PCYT1A: variants seen among roughly 807,000 people sequenced by gnomAD.
PCYT1A encodes phosphate cytidylyltransferase 1A, choline.
In PCYT1A, 25 loss-of-function variants were observed where a neutral mutation model predicts 43.7. The observed-to-expected ratio is 0.57, with a 90% CI of 0.42 to 0.80. The LOEUF (loss-of-function observed/expected upper bound fraction) is 0.80, where lower values mean the gene tolerates loss of function less well. PCYT1A is among the 30% of genes least tolerant of loss of function. The pLI is 0.00. For synonymous variants in PCYT1A, 172 were observed against 170.7 expected, an observed-to-expected ratio of 1.01 and a Z score of -0.06; for missense variants, 421 against 474.2, an observed-to-expected ratio of 0.89 and a Z score of 1.04.
At position 196,238,073 on chromosome 3, in the gene PCYT1A, G is replaced by A. The variant is rs1292713370; in HGVS notation, c.*615C>T. 6.6e-6 allele frequency: 1 copy of A among 152,246 alleles called. No individual in the cohort carries two copies. Among genetic ancestry groups the A allele is most frequent in the Non-Finnish European group, 1.5e-5 (1 of 68,050 alleles). 9.4% of individuals were successfully genotyped at this position (152,246 alleles called of 1,614,324 possible). A position where few individuals can be genotyped will look rare whatever the true frequency, so the allele number is the denominator to read the frequency against. ...ACTCCTCAGGGAGTAAGAAAAGTTA[G>A]GTTCAGATCTCCTTCCCGCAGCCAC... On this transcript the variant is annotated 3_prime_UTR_variant, in exon 9 of 9. Coordinates refer to ENST00000431016, the MANE Select transcript of PCYT1A (RefSeq NM_001312673.2).
At chr3:196,276,434 T>C (rs907826199) in intron 1 of PCYT1A, among the ~76,000 whole-genome samples, 1 of 151,690 alleles carries the variant, frequency 6.6e-6, no homozygotes, top group Non-Finnish European at 1.5e-5. Flanking sequence ...TGAAACTCCA[T>C]CTCTACAAAA....
chr3:196,252,661 C>G lies in PCYT1A; in HGVS notation c.218-4338G>C, dbSNP rs1262490752. 6.6e-6 allele frequency among the ~76,000 whole-genome samples: 1 copy of G among 152,138 alleles called. No individual in the cohort carries two copies. Among genetic ancestry groups the G allele is most frequent in the African/African-American group, 2.4e-5 (1 of 41,442 alleles). On this transcript the variant is annotated intron_variant, in intron 3 of 8. Coordinates refer to ENST00000431016, the MANE Select transcript of PCYT1A (RefSeq NM_001312673.2). The surrounding 1 kb of genome is among the most constrained non-coding windows in gnomAD (Gnocchi z 4.0). ...AGAGTCAGAAAGGTCATAGCTCAAGCTTTGACCAAGCTTTCCAACCAGCTT... is the reference window on the plus strand; with the variant it reads ...AGAGTCAGAAAGGTCATAGCTCAAGGTTTGACCAAGCTTTCCAACCAGCTT...
chr3:196,275,208 AC>A (rs1725549306), intron 1 of PCYT1A, among the ~76,000 whole-genome samples: 1 of 152,240 alleles, frequency 6.6e-6, no homozygotes, highest in South Asian at 2.1e-4. Context: ...ATGAGTACTT[AC>A]TGCTTACAAA....
In PCYT1A at chr3:196,247,355, C is replaced by T; in HGVS notation, c.486+12G>A. The stretch of plus-strand genomic sequence containing the variant: ...TGAAACAAGGAATGGGAATATGTGT[C>T]CAGTTTCTTACCCGGTGTTCGGCCA... On this transcript the variant is annotated intron_variant, in intron 5 of 8. Transcript: ENST00000431016. The surrounding 1 kb of genome is among the most constrained non-coding windows in gnomAD (Gnocchi z 4.8). The T allele has an allele frequency of 6.2e-7, 1 of 1,613,370 alleles. No individual in the cohort carries two copies. The highest frequency in any genetic ancestry group is 1.7e-5 in the Admixed American group (1 of 60,020).
intron 1 of PCYT1A, among the ~76,000 whole-genome samples, chr3:196,281,587 C>G (rs1725773743): frequency 6.6e-6 from 1 of 152,194 alleles, no homozygotes; most frequent in Non-Finnish European, 1.5e-5. Flanking sequence ...GTGTGACCTG[C>G]AAACCCTAAA....
chr3:196,246,072 G>A (rs1286007897), intron 5 of PCYT1A, among the ~76,000 whole-genome samples: 1 of 152,204 alleles, frequency 6.6e-6, no homozygotes, highest in Non-Finnish European at 1.5e-5. Context: ...CCTGTGGGCT[G>A]TGGTGCTGAG....
At chr3:196,276,701 G>A (rs1187177079) in intron 1 of PCYT1A, among the ~76,000 whole-genome samples, 1 of 152,114 alleles carries the variant, frequency 6.6e-6, no homozygotes, top group Non-Finnish European at 1.5e-5. Context: ...CCTCAAAAAT[G>A]CTTATGATAT....
intron 7 of PCYT1A, 197 bp downstream of exon 7, chr3:196,241,751 G>A: frequency 8.0e-7 from 1 of 1,244,322 alleles, no homozygotes; most frequent in Non-Finnish European, 1.1e-6. Flanking sequence ...TTATACGAAT[G>A]TGTTGGTACC....
intron 2 of PCYT1A, among the ~76,000 whole-genome samples, chr3:196,263,564 T>C (rs964232364): frequency 2.1e-4 from 32 of 152,070 alleles, no homozygotes; most frequent in African/African-American, 7.7e-4. Flanking sequence ...TCAAGAGGAA[T>C]ACCATGTGGT....
At chr3:196,276,787 T>C (rs1725603936) in intron 1 of PCYT1A, among the ~76,000 whole-genome samples, 1 of 151,658 alleles carries the variant, frequency 6.6e-6, no homozygotes, top group Non-Finnish European at 1.5e-5. Flanking sequence ...TTACGAAAAA[T>C]TGACCAGGTG....
chr3:196,243,824 G>A (rs1341505890), intron 5 of PCYT1A, among the ~76,000 whole-genome samples: 1 of 152,260 alleles, frequency 6.6e-6, no homozygotes, highest in Non-Finnish European at 1.5e-5. Flanking sequence ...ACGGAGTCTC[G>A]TTCACTCAGT....
chr3:196,276,995 C>T (rs1200799709), intron 1 of PCYT1A, among the ~76,000 whole-genome samples: 2 of 151,580 alleles, frequency 1.3e-5, no homozygotes, highest in Admixed American at 6.6e-5. Context: ...TTTGAGAGGC[C>T]AAGGCAGGCG....
intron 7 of PCYT1A, chr3:196,241,641 C>T: frequency 7.5e-7 from 1 of 1,341,624 alleles, no homozygotes; most frequent in Non-Finnish European, 9.8e-7. Flanking sequence ...CATCATCCAA[C>T]CGAAGAAGAG....
Position 196,239,542 on chromosome 3 carries a change from C to T in PCYT1A, c.897+5G>A. 2 of 1,588,502 alleles carry T rather than the reference C, an allele frequency of 1.3e-6. No individual in the cohort carries two copies. Among genetic ancestry groups the T allele is most frequent in the South Asian group, 1.1e-5 (1 of 90,416 alleles). On this transcript the variant is annotated splice_donor_5th_base_variant and intron_variant, in intron 8 of 8. Transcript: ENST00000431016. ...CCCTACATTGTCCAGTGGGAAAGAACATACCAGTGCTCCTTCCGGACCAAA... is the reference window on the plus strand; with the variant it reads ...CCCTACATTGTCCAGTGGGAAAGAATATACCAGTGCTCCTTCCGGACCAAA...
chr3:196,240,808 T>C (rs1390622335), intron 7 of PCYT1A: 1 of 152,084 alleles, frequency 6.6e-6, no homozygotes, highest in African/African-American at 2.4e-5. Flanking sequence ...AGTAAGTAAA[T>C]TAACAAGAGC....
intron 1 of PCYT1A, among the ~76,000 whole-genome samples, chr3:196,286,614 A>T (rs1725920844): frequency 6.6e-6 from 1 of 152,210 alleles, no homozygotes; most frequent in Non-Finnish European, 1.5e-5. Flanking sequence ...CCACTTTTTA[A>T]AAGAAAAGTA....
rs1403221565 is a variant in PCYT1A at position 196,273,669 on chromosome 3, G to C, written c.-10-3128C>G. 6.6e-6 allele frequency among the ~76,000 whole-genome samples: 1 copy of C among 152,160 alleles called. No individual in the cohort carries two copies. Among genetic ancestry groups the C allele is most frequent in the East Asian group, 1.9e-4 (1 of 5,198 alleles). On this transcript the variant is annotated intron_variant, in intron 1 of 8. Transcript: ENST00000431016. The surrounding 1 kb of genome is among the most constrained non-coding windows in gnomAD (Gnocchi z 4.1). ...GACCTGGAGTGGGAAGCTCCTATCCGCAGGCAGGTCATCCCATCAAGTATG... is the reference window on the plus strand; with the variant it reads ...GACCTGGAGTGGGAAGCTCCTATCCCCAGGCAGGTCATCCCATCAAGTATG...
chr3:196,246,212 G>A (rs75302827), intron 5 of PCYT1A, among the ~76,000 whole-genome samples: 10 of 152,116 alleles, frequency 6.6e-5, no homozygotes, highest in Non-Finnish European at 1.0e-4. Flanking sequence ...GCCTACCCAC[G>A]TATTGCTTTA....
In PCYT1A at chr3:196,270,550, A is replaced by T. The variant is rs991376819; in HGVS notation, c.-10-9T>A. 4 of 1,588,114 alleles carry T rather than the reference A, an allele frequency of 2.5e-6. No homozygotes were observed. The highest frequency in any genetic ancestry group is 3.5e-6 in the Non-Finnish European group (4 of 1,156,382). ...CATCCATCTTCTTTTAACTGGTCAT[A>T]GAAAGTGAAAACAAAAATTTTCTCA... On this transcript the variant is annotated splice_polypyrimidine_tract_variant and intron_variant, in intron 1 of 8. Coordinates refer to ENST00000431016, the MANE Select transcript of PCYT1A (RefSeq NM_001312673.2).
Sources: gnomAD v4.1 joint callset for allele counts (sites outside exome capture counted in the v4.1 genomes callset) on GRCh38, gnomAD v4.1.1 for gene constraint, Gnocchi (gnomAD v3.1) non-coding constraint, MANE v1.5 for transcripts, NCBI Gene and HGNC (gene_info 2026-07-23, HGNC 2026-07-21) for gene names.